The following C1QTNF3 variants were observed in gnomAD, a reference collection of about 807,000 sequenced individuals.
C1QTNF3 encodes the protein complement C1q tumor necrosis factor-related protein 3.
C1QTNF3 carries 26 observed loss-of-function variants against 32.6 expected under a neutral mutation model. The ratio of observed to expected loss-of-function variants is 0.80; its 90% CI spans 0.58 to 1.11. The LOEUF (loss-of-function observed/expected upper bound fraction) is 1.11. Among genes scored for constraint, C1QTNF3 ranks in the 50% least tolerant of loss-of-function variants. C1QTNF3 has a pLI of 0.00. For missense variants in C1QTNF3, 362 were observed against 398.2 expected (o/e 0.91, Z 0.77); for synonymous variants, 155 against 146.0 (o/e 1.06, Z -0.44).
At chr5:34,126,612 A>G in the C1QTNF3 span, among the ~76,000 whole-genome samples, 1 of 146,910 alleles carries the variant, frequency 6.8e-6, no homozygotes, top group Non-Finnish European at 1.5e-5. Flanking sequence ...TCTAAAATAC[A>G]TGAAATCAGC....
At chr5:34,027,606 G>A (rs1430397193) in intron 4 of C1QTNF3, among the ~76,000 whole-genome samples, 9 of 152,044 alleles carry the variant, frequency 5.9e-5, no homozygotes, top group African/African-American at 2.2e-4. Context: ...GCTGAGTGGG[G>A]AGGATCGCTT....
At chr5:34,243,593 AG>A in the C1QTNF3 span, among the ~76,000 whole-genome samples, 9 of 152,366 alleles carry the variant, frequency 5.9e-5, no homozygotes, top group South Asian at 1.4e-3. Context: ...GACTGGATAA[AG>A]AAAATGTGGT....
the C1QTNF3 span, among the ~76,000 whole-genome samples, chr5:34,226,086 C>A: frequency 1.8e-4 from 27 of 151,900 alleles, no homozygotes; most frequent in Non-Finnish European, 3.7e-4. Context: ...CCCCTTGAAC[C>A]ATACTTGATA....
chr5:34,219,579 A>G, the C1QTNF3 span, among the ~76,000 whole-genome samples: 1 of 152,066 alleles, frequency 6.6e-6, no homozygotes, highest in Non-Finnish European at 1.5e-5. Flanking sequence ...ATGGAAAAAA[A>G]AAAACCGCTT....
the C1QTNF3 span, among the ~76,000 whole-genome samples, chr5:34,202,208 C>T: frequency 4.6e-5 from 7 of 151,880 alleles, no homozygotes; most frequent in Non-Finnish European, 8.8e-5. Flanking sequence ...AAGAGTGGAA[C>T]GAAAGTTGAG....
At chr5:34,161,268 T>C in the C1QTNF3 span, among the ~76,000 whole-genome samples, 1 of 152,176 alleles carries the variant, frequency 6.6e-6, no homozygotes, top group Non-Finnish European at 1.5e-5. Flanking sequence ...AGCCGAACTT[T>C]ATGAAATACA....
At chr5:34,136,948 G>A in the C1QTNF3 span, among the ~76,000 whole-genome samples, 1 of 151,980 alleles carries the variant, frequency 6.6e-6, no homozygotes, top group Non-Finnish European at 1.5e-5. Flanking sequence ...ATTGAACAAG[G>A]AGATCACTTG....
chr5:34,175,900 G>A, the C1QTNF3 span: 1 of 814,144 alleles, frequency 1.2e-6, no homozygotes, highest in Non-Finnish European at 2.2e-6. Flanking sequence ...TTGAGACCCA[G>A]ATGGTACTGC....
the C1QTNF3 span, among the ~76,000 whole-genome samples, chr5:34,057,554 A>G: frequency 6.6e-6 from 1 of 152,200 alleles, no homozygotes; most frequent in Non-Finnish European, 1.5e-5. Context: ...TTATTTTTCC[A>G]GTTTGTTCTC....
the C1QTNF3 span, among the ~76,000 whole-genome samples, chr5:34,126,092 G>C: frequency 1.3e-5 from 2 of 152,172 alleles, no homozygotes; most frequent in Admixed American, 1.3e-4. Flanking sequence ...CATCTCCCTT[G>C]TCAGCGAGAA....
the C1QTNF3 span, among the ~76,000 whole-genome samples, chr5:34,176,154 CAAAA>C: frequency 9.6e-4 from 144 of 149,274 alleles, no homozygotes; most frequent in East Asian, 0.02. Flanking sequence ...TCGCCAAGAA[CAAAA>C]AACCAAACAC....
the C1QTNF3 span, among the ~76,000 whole-genome samples, chr5:34,157,098 A>G: frequency 6.6e-6 from 1 of 152,162 alleles, no homozygotes; most frequent in Non-Finnish European, 1.5e-5. Flanking sequence ...TTTATAACAG[A>G]TAATTACTTA....
the C1QTNF3 span, among the ~76,000 whole-genome samples, chr5:34,053,070 A>G: frequency 2.0e-5 from 3 of 152,234 alleles, no homozygotes; most frequent in East Asian, 5.8e-4. Flanking sequence ...ATTTCTATAT[A>G]GAAACAGAGA....
At chr5:34,154,319 T>G in the C1QTNF3 span, among the ~76,000 whole-genome samples, 1 of 151,982 alleles carries the variant, frequency 6.6e-6, no homozygotes, top group African/African-American at 2.4e-5. Context: ...TATTCAATCA[T>G]TCAAATATGT....
the C1QTNF3 span, among the ~76,000 whole-genome samples, chr5:34,085,285 A>G: frequency 6.7e-6 from 1 of 149,750 alleles, no homozygotes; most frequent in Non-Finnish European, 1.5e-5. Context: ...ATGAGCCACC[A>G]TGCCCGGCCA....
chr5:34,078,670 C>T, the C1QTNF3 span, among the ~76,000 whole-genome samples: 1 of 151,650 alleles, frequency 6.6e-6, no homozygotes, highest in Non-Finnish European at 1.5e-5. The surrounding 1 kb of genome is among the most constrained non-coding windows in gnomAD (Gnocchi z 4.0). Context: ...CATATCACCA[C>T]CTATCTCCAA....
the C1QTNF3 span, among the ~76,000 whole-genome samples, chr5:34,100,804 T>G: frequency 4.7e-5 from 7 of 150,432 alleles, no homozygotes; most frequent in East Asian, 1.4e-3. Context: ...ACAAGCACAC[T>G]GAGTTACAAA....
chr5:34,032,722 C>A (rs758300728), intron 3 of C1QTNF3, among the ~76,000 whole-genome samples: 1 of 152,030 alleles, frequency 6.6e-6, no homozygotes, highest in Non-Finnish European at 1.5e-5. Context: ...CTCAAACCCA[C>A]GAGGAAGAGG....
At chr5:34,114,893 T>C in the C1QTNF3 span, among the ~76,000 whole-genome samples, 239 of 152,294 alleles carry the variant, frequency 1.6e-3, no homozygotes, top group Non-Finnish European at 2.9e-3. Flanking sequence ...AATATTTGTT[T>C]AGATTCACCA....
Sources: allele counts gnomAD v4.1 joint callset (sites outside exome capture counted in the v4.1 genomes callset), GRCh38; gene constraint gnomAD v4.1.1; non-coding constraint Gnocchi (gnomAD v3.1); transcripts MANE v1.5; gene names NCBI Gene and HGNC (gene_info 2026-07-23, HGNC 2026-07-21).